Variants in CTNNA2 observed in about 807,000 individuals in gnomAD.
CTNNA2 encodes the protein catenin alpha-2.
Under a neutral mutation model 101.0 loss-of-function variants are expected in CTNNA2, and 42 were observed. The observed-to-expected ratio is 0.42, with a 90% CI of 0.32 to 0.54. CTNNA2 has a LOEUF of 0.54. Among genes scored for constraint, CTNNA2 ranks in the 20% least tolerant of loss-of-function variants. The probability of loss-of-function intolerance (pLI) is 0.14; values close to 1 mark genes in which losing one functional copy is unlikely to be tolerated. For synonymous variants in CTNNA2, 450 were observed against 456.4 expected (o/e 0.99, Z 0.18); for missense variants, 871 against 1,223.1 (o/e 0.71, Z 4.29).
rs145497420 is a variant in CTNNA2, at chr2:79,785,071, A to G, written c.298+40489A>G. On this transcript the variant is annotated intron_variant, in intron 3 of 18. Coordinates refer to ENST00000402739, the MANE Select transcript of CTNNA2 (RefSeq NM_001282597.3). ...CTACCTCTCTGATCCAAACAACGCC[A>G]TCTCTTAACCGGATCCTGGGGATGG... Among the ~76,000 whole-genome samples, 584 of 152,252 alleles carry G rather than the reference A, an allele frequency of 3.8e-3. 3 individuals carry two copies. The highest frequency in any genetic ancestry group is 0.013 in the African/African-American group (541 of 41,540).
chr2:79,235,884 G>A (rs1049570966), intron 2 of CTNNA2, among the ~76,000 whole-genome samples: 3 of 152,150 alleles, frequency 2.0e-5, no homozygotes, highest in African/African-American at 4.8e-5. Context: ...GGGATGGGTC[G>A]AGTCACCTTC....
rs532239950 is a variant in CTNNA2 at position 79,883,656 on chromosome 2, T to C, written c.852+9314T>C. On this transcript the variant is annotated intron_variant, in intron 6 of 18. Transcript: ENST00000402739. ...TGACTGCCAGAAAACAAACTTTCAA[T>C]AGTGGGAGAGAGGAATGTTAAAAGC... Among the ~76,000 whole-genome samples, 8 of 152,238 alleles carry C rather than the reference T, an allele frequency of 5.3e-5. No homozygotes were observed. The East Asian group carries it at 1.5e-3, about 29-fold the overall frequency.
At chr2:80,411,249 T>C (rs1679543245) in intron 8 of CTNNA2, among the ~76,000 whole-genome samples, 1 of 152,250 alleles carries the variant, frequency 6.6e-6, no homozygotes, top group Non-Finnish European at 1.5e-5. Flanking sequence ...AAATAGATTG[T>C]TGAAGTAGGC....
At position 80,506,579 on chromosome 2, in the gene CTNNA2, G is replaced by T. The variant is rs138699039; in HGVS notation, c.1291-38403G>T. ...GTGGGCAGTGGCAAACAACTGAAGG[G>T]TTTTAGTCAGGGCAGAGTTAAAGAT... is the stretch of plus-strand genomic sequence containing the variant. On this transcript the variant is annotated intron_variant, in intron 9 of 18. Transcript: ENST00000402739. 1.7e-4 allele frequency among the ~76,000 whole-genome samples: 26 copies of T among 152,270 alleles called. 1 individual carries two copies. In the East Asian group the frequency reaches 5.0e-3, roughly 29 times the overall value.
At chr2:80,514,205 C>G (rs1688925710) in intron 9 of CTNNA2, among the ~76,000 whole-genome samples, 1 of 152,136 alleles carries the variant, frequency 6.6e-6, no homozygotes, top group African/African-American at 2.4e-5. Flanking sequence ...CAGCCGTGCT[C>G]AACCTCTTGA....
chr2:79,483,613 T>C (rs1348832209), intron 4 of CTNNA2, among the ~76,000 whole-genome samples: 1 of 152,190 alleles, frequency 6.6e-6, no homozygotes, highest in East Asian at 1.9e-4. Flanking sequence ...TTCTCAGGCC[T>C]TTGCATCCTC....
rs1179712642 is a variant in CTNNA2 at position 79,207,615 on chromosome 2, G to A, written c.-406+9539G>A. Among the ~76,000 whole-genome samples the A allele has an allele frequency of 7.9e-5, 12 of 152,284 alleles. No homozygotes were observed. The East Asian group carries it at 2.3e-3, about 29-fold the overall frequency. ...TGAACTACGTACCAACATTTGTGAA[G>A]AAAGTTTCTGTCATGGGCCATGAAG... is the stretch of plus-strand genomic sequence containing the variant. On this transcript the variant is annotated intron_variant, in intron 2 of 21. Transcript: ENST00000466387.
At chr2:80,298,517 A>G (rs2149197044) in intron 7 of CTNNA2, 1 of 152,348 alleles carries the variant, frequency 6.6e-6, no homozygotes, top group East Asian at 1.9e-4. Context: ...CAAGTCGACT[A>G]AAATAAGCCG....
chr2:79,530,215 A>T (rs987584307), intron 1 of CTNNA2, among the ~76,000 whole-genome samples: 1 of 152,164 alleles, frequency 6.6e-6, no homozygotes, highest in Admixed American at 6.6e-5. Flanking sequence ...CATTTTACAA[A>T]TGAAGCTTGC....
intron 3 of CTNNA2, among the ~76,000 whole-genome samples, chr2:79,364,520 T>G (rs1677701615): frequency 2.0e-5 from 3 of 152,346 alleles, no homozygotes; most frequent in East Asian, 1.9e-4. Flanking sequence ...GGATAAAATA[T>G]TATTCTCTTC....
At chr2:80,093,038 G>A (rs1444304663) in intron 7 of CTNNA2, among the ~76,000 whole-genome samples, 1 of 151,438 alleles carries the variant, frequency 6.6e-6, no homozygotes, top group Admixed American at 6.6e-5. Flanking sequence ...AAGTTTTAGG[G>A]TACATGTACA....
intron 18 of CTNNA2, among the ~76,000 whole-genome samples, chr2:80,639,726 A>C (rs529761430): frequency 6.6e-6 from 1 of 152,202 alleles, no homozygotes; most frequent in Non-Finnish European, 1.5e-5. Context: ...AACTCATAAT[A>C]TGGTATTAGT....
intron 7 of CTNNA2, among the ~76,000 whole-genome samples, chr2:80,014,909 T>C (rs1825428): frequency 0.8 from 121,352 of 152,162 alleles, 48,855 homozygotes; most frequent in East Asian, 0.87. Flanking sequence ...CACCTCAAGA[T>C]GGGGAAGGAG....
At chr2:79,364,538 A>G (rs1420114267) in intron 3 of CTNNA2, among the ~76,000 whole-genome samples, 1 of 152,196 alleles carries the variant, frequency 6.6e-6, no homozygotes, top group East Asian at 1.9e-4. Context: ...TTCACCTTTG[A>G]CGAGAATAAT....
At chr2:79,364,338 C>A (rs1677697597) in intron 3 of CTNNA2, among the ~76,000 whole-genome samples, 1 of 152,136 alleles carries the variant, frequency 6.6e-6, no homozygotes, top group Admixed American at 6.5e-5. Context: ...TGAGCAGCAA[C>A]AAACTTCTCA....
upstream of CTNNA2, among the ~76,000 whole-genome samples, chr2:79,511,776 G>A (rs148130785): frequency 2.3e-3 from 348 of 152,230 alleles, 2 homozygotes; most frequent in Non-Finnish European, 3.9e-3. Flanking sequence ...GAACTTGGAA[G>A]CAAAAGGGGG....
intron 7 of CTNNA2, among the ~76,000 whole-genome samples, chr2:80,161,652 A>G (rs1704328595): frequency 6.6e-6 from 1 of 152,326 alleles, no homozygotes; most frequent in East Asian, 1.9e-4. Context: ...GTAGCACTTA[A>G]AGGCTTCATG....
rs1247240533 is a variant in CTNNA2, at chr2:80,190,855, A to G, written c.1057-202356A>G. On this transcript the variant is annotated intron_variant, in intron 7 of 18. Coordinates refer to ENST00000402739, the MANE Select transcript of CTNNA2 (RefSeq NM_001282597.3). ...TTATAGGGATTCCTTTTGCAACAGC[A>G]ATGTCCATCTCTGAGGCAGCTGGCT... 2.0e-5 allele frequency among the ~76,000 whole-genome samples: 3 copies of G among 152,302 alleles called. No homozygotes were observed. The East Asian group carries it at 5.8e-4, about 29-fold the overall frequency.
intron 13 of CTNNA2, chr2:80,579,560 C>A (rs1221007918): frequency 6.6e-6 from 1 of 152,164 alleles, no homozygotes; most frequent in Non-Finnish European, 1.5e-5. Context: ...TTGAACTGGG[C>A]TCTGCCTACT....
Sources: gnomAD v4.1 joint callset for allele counts (sites outside exome capture counted in the v4.1 genomes callset) on GRCh38, gnomAD v4.1.1 for gene constraint, MANE v1.5 for transcripts, NCBI Gene and HGNC (gene_info 2026-07-23, HGNC 2026-07-21) for gene names.